DIP2B: variants seen among roughly 807,000 people sequenced by gnomAD.
The protein encoded by DIP2B is DIP2 acetate--CoA ligase B (putative).
Under a neutral mutation model 198.0 loss-of-function variants are expected in DIP2B, and 76 were observed. The observed-to-expected ratio is 0.38, with a 90% CI of 0.32 to 0.46. The LOEUF (loss-of-function observed/expected upper bound fraction) is 0.46, where lower values mean the gene tolerates loss of function less well. DIP2B is among the 20% of genes least tolerant of loss of function. DIP2B has a pLI of 0.99. For synonymous variants in DIP2B, 701 were observed against 739.1 expected (o/e 0.95, Z 0.84); for missense variants, 1,559 against 1,978.4 (o/e 0.79, Z 4.02).
chr12:50,683,788 A>C (rs900287100), intron 10 of DIP2B, among the ~76,000 whole-genome samples: 1 of 151,380 alleles, frequency 6.6e-6, no homozygotes, highest in African/African-American at 2.4e-5. Flanking sequence ...GTCTAAAAAT[A>C]AATAGATAAA....
At chr12:50,533,614 C>CT (rs111296788) in intron 1 of DIP2B, among the ~76,000 whole-genome samples, 142,475 of 146,462 alleles carry the variant, frequency 0.97, 69,327 homozygotes, top group South Asian at 1. Context: ...AACTTTTTTC[C>CT]TTTTTTTTTT....
At chr12:50,631,739 T>C (rs936469627) in intron 2 of DIP2B, among the ~76,000 whole-genome samples, 1 of 152,316 alleles carries the variant, frequency 6.6e-6, no homozygotes, top group East Asian at 1.9e-4. Context: ...GGCTAAATTT[T>C]CTTCTTCTTA....
chr12:50,516,213 A>ATCTCTCTCTCTCTC (rs68059796), intron 1 of DIP2B, among the ~76,000 whole-genome samples: 9 of 128,622 alleles, frequency 7.0e-5, no homozygotes, highest in African/African-American at 2.7e-4. Context: ...TAGAGGCACC[A>ATCTCTCTCTCTCTC]TCTCTCTCTC....
At chr12:50,571,110 T>C (rs1593617991) in intron 1 of DIP2B, among the ~76,000 whole-genome samples, 1 of 151,134 alleles carries the variant, frequency 6.6e-6, no homozygotes, top group African/African-American at 2.4e-5. Context: ...AGTGGAGGGG[T>C]TGGGGAAGGA....
chr12:50,603,724 GA>G (rs146891018), intron 1 of DIP2B, among the ~76,000 whole-genome samples: 5 of 147,182 alleles, frequency 3.4e-5, no homozygotes, highest in Non-Finnish European at 4.5e-5. Context: ...CTTGCCTTTG[GA>G]AAAAAAAAAG....
chr12:50,734,295 T>C, intron 33 of DIP2B, 99 bp downstream of exon 33: 4 of 1,237,862 alleles, frequency 3.2e-6, no homozygotes, highest in Non-Finnish European at 4.7e-6. Context: ...TTTGTTCATA[T>C]ATTCCAGGAG....
At chr12:50,739,073 G>A (rs1940188803) in intron 35 of DIP2B, among the ~76,000 whole-genome samples, 1 of 152,238 alleles carries the variant, frequency 6.6e-6, no homozygotes, top group Non-Finnish European at 1.5e-5. Flanking sequence ...GGGAGGCAGG[G>A]TAGCCTTGTG....
intron 1 of DIP2B, among the ~76,000 whole-genome samples, chr12:50,582,751 A>G (rs1222580433): frequency 6.6e-6 from 1 of 152,138 alleles, no homozygotes; most frequent in African/African-American, 2.4e-5. Context: ...GCCTCCAGTT[A>G]TTTTAAAAAC....
intron 35 of DIP2B, among the ~76,000 whole-genome samples, chr12:50,737,971 G>A (rs1459488942): frequency 3.3e-5 from 5 of 152,096 alleles, no homozygotes; most frequent in Non-Finnish European, 4.4e-5. Flanking sequence ...AGATGACCTC[G>A]GCTCTGCCAC....
At chr12:50,596,447 G>T (rs1565838382) in intron 1 of DIP2B, among the ~76,000 whole-genome samples, 1 of 152,150 alleles carries the variant, frequency 6.6e-6, no homozygotes, top group Admixed American at 6.6e-5. Flanking sequence ...CTTCCTAATG[G>T]CTGTATAAGT....
At position 50,717,333 on chromosome 12, in the gene DIP2B, G is replaced by T. The variant is rs566341353; in HGVS notation, c.2852-1376G>T. Among the ~76,000 whole-genome samples, 3 of 144,418 alleles carry T rather than the reference G, an allele frequency of 2.1e-5. No homozygotes were observed. In the South Asian group the frequency reaches 6.7e-4, roughly 32 times the overall value. The allele number at this position is 144,418 out of a possible 152,430, so 94.7% of individuals were successfully genotyped here. A position where few individuals can be genotyped will look rare whatever the true frequency, so the allele number is the denominator to read the frequency against. On this transcript the variant is annotated intron_variant, in intron 23 of 37. Transcript: ENST00000301180. ...AACACTGTTGCCCAGGCTGGAGTGC[G>T]GTGGCATGATCTCAGCTCACTGCAG...
At chr12:50,660,431 A>T in intron 4 of DIP2B, 112 bp downstream of exon 4, 3 of 1,251,384 alleles carry the variant, frequency 2.4e-6, no homozygotes, top group Non-Finnish European at 3.2e-6. Flanking sequence ...CCGCCATTAG[A>T]GGAATGTAAG....
chr12:50,576,364 G>C (rs1227925312), intron 1 of DIP2B, among the ~76,000 whole-genome samples: 1 of 140,776 alleles, frequency 7.1e-6, no homozygotes, highest in Non-Finnish European at 1.5e-5. Context: ...ACTGCACCCA[G>C]CATTTTTTTT....
chr12:50,731,264 C>T (rs377508540), intron 30 of DIP2B, 105 bp from the exon 31 acceptor site: 1 of 1,386,106 alleles, frequency 7.2e-7, no homozygotes. Flanking sequence ...TATGTCCCTA[C>T]ACTGTCCTTT....
intron 1 of DIP2B, among the ~76,000 whole-genome samples, chr12:50,615,445 C>G (rs571732621): frequency 6.6e-6 from 1 of 152,150 alleles, no homozygotes. Context: ...TTCTTTTAGG[C>G]CCTTAGCATC....
At chr12:50,565,704 ATTAAAAAGGCATCAT>A (rs1958557949) in intron 1 of DIP2B, among the ~76,000 whole-genome samples, 1 of 152,210 alleles carries the variant, frequency 6.6e-6, no homozygotes, top group Admixed American at 6.5e-5. Context: ...GGATACATCA[ATTAAAAAGGCATCAT>A]TTCACCCTCA....
intron 1 of DIP2B, among the ~76,000 whole-genome samples, chr12:50,543,163 C>T (rs555192164): frequency 5.3e-5 from 8 of 152,204 alleles, no homozygotes; most frequent in Non-Finnish European, 1.0e-4. Flanking sequence ...CGTGAGCCAC[C>T]GTGCCTGTCC....
At chr12:50,601,081 A>G (rs1196749205) in intron 1 of DIP2B, among the ~76,000 whole-genome samples, 1 of 151,948 alleles carries the variant, frequency 6.6e-6, no homozygotes, top group Non-Finnish European at 1.5e-5. Context: ...CTATCATTCC[A>G]TATAATCTGT....
At chr12:50,520,532 G>A (rs938575865) in intron 1 of DIP2B, among the ~76,000 whole-genome samples, 1 of 152,106 alleles carries the variant, frequency 6.6e-6, no homozygotes, top group African/African-American at 2.4e-5. Context: ...ACAAGCAGTG[G>A]TATGAGTTTT....
Sources: allele counts gnomAD v4.1 joint callset (sites outside exome capture counted in the v4.1 genomes callset), GRCh38; gene constraint gnomAD v4.1.1; transcripts MANE v1.5; gene names NCBI Gene and HGNC (gene_info 2026-07-23, HGNC 2026-07-21).